GRIA1: variants seen among roughly 807,000 people sequenced by gnomAD.
The protein encoded by GRIA1 is glutamate receptor 1.
Under a neutral mutation model 99.2 loss-of-function variants are expected in GRIA1, and 31 were observed. The observed-to-expected ratio is 0.31, with a 90% CI of 0.23 to 0.42. The LOEUF (loss-of-function observed/expected upper bound fraction) is 0.42, where lower values mean the gene tolerates loss of function less well. GRIA1 is among the 10% of genes least tolerant of loss of function. GRIA1 has a pLI of 1.00. For synonymous variants in GRIA1, 438 were observed against 432.4 expected, an observed-to-expected ratio of 1.01 and a Z score of -0.16; for missense variants, 782 against 1,157.5, an observed-to-expected ratio of 0.68 and a Z score of 4.71.
chr5:153,575,780 C>T (rs1025090393), intron 2 of GRIA1, among the ~76,000 whole-genome samples: 1 of 152,182 alleles, frequency 6.6e-6, no homozygotes, highest in South Asian at 2.1e-4. Context: ...TTCTCTGGTT[C>T]TTTGCAGTGT....
chr5:153,735,853 A>G (rs986626255), intron 11 of GRIA1, among the ~76,000 whole-genome samples: 10 of 152,208 alleles, frequency 6.6e-5, no homozygotes, highest in Non-Finnish European at 1.3e-4. Context: ...TATTTTACTG[A>G]GATGGGGAAC....
At chr5:153,801,960 G>GA (rs1171880549) in intron 14 of GRIA1, among the ~76,000 whole-genome samples, 1 of 142,132 alleles carries the variant, frequency 7.0e-6, no homozygotes, top group African/African-American at 2.6e-5. Flanking sequence ...GGCGGGGGGG[G>GA]GCGGGGGGCA....
chr5:153,618,363 C>T (rs1271456708), intron 2 of GRIA1, among the ~76,000 whole-genome samples: 1 of 152,170 alleles, frequency 6.6e-6, no homozygotes, highest in Non-Finnish European at 1.5e-5. Context: ...AAAAAAATTG[C>T]ATCATTCTTG....
intron 11 of GRIA1, among the ~76,000 whole-genome samples, chr5:153,722,675 G>A (rs751311748): frequency 3.3e-5 from 5 of 152,132 alleles, no homozygotes; most frequent in African/African-American, 4.8e-5. Flanking sequence ...GTCTGTCTTT[G>A]CCAGGGTATT....
rs148449424 is a variant in GRIA1 at position 153,505,541 on chromosome 5, G to A, written c.220+11476G>A. On this transcript the variant is annotated intron_variant, in intron 2 of 15. Transcript: ENST00000285900. ...TGTCCCAGTCAACCCACAGCCCACA[G>A]ACTAAAGTTTGAAGCAGAGCTATCC... is the stretch of plus-strand genomic sequence containing the variant. 7.9e-4 allele frequency among the ~76,000 whole-genome samples: 120 copies of A among 152,332 alleles called. 1 individual carries two copies. In the South Asian group the frequency reaches 8.5e-3, roughly 11 times the overall value.
At chr5:153,659,482 T>A (rs546491679) in intron 5 of GRIA1, among the ~76,000 whole-genome samples, 1 of 152,262 alleles carries the variant, frequency 6.6e-6, no homozygotes, top group East Asian at 1.9e-4. Flanking sequence ...GTGCATTCAC[T>A]CCCTGCTCTG....
Position 153,600,130 on chromosome 5 carries a change from G to A in GRIA1, c.221-46798G>A, listed in dbSNP as rs573197402. ...GTCTGGACCCGGCGCGGTGGCTCAC[G>A]CTTGTAATCCCAGCACTTTCGGAGG... On this transcript the variant is annotated intron_variant, in intron 2 of 15. Transcript: ENST00000285900. 3.8e-4 allele frequency among the ~76,000 whole-genome samples: 58 copies of A among 152,212 alleles called. 1 individual carries two copies. The highest frequency in any genetic ancestry group is 6.2e-4 in the Non-Finnish European group (42 of 68,000).
chr5:153,511,892 A>C lies in GRIA1; in HGVS notation c.220+17827A>C, dbSNP rs113808322. The stretch of plus-strand genomic sequence containing the variant: ...ATTGGCTCAGGCTGGCCTTGCTGCC[A>C]TGCTTCTTTTCCTCGTTCCTGCGAA... On this transcript the variant is annotated intron_variant, in intron 2 of 15. Transcript: ENST00000285900. 6.6e-3 allele frequency among the ~76,000 whole-genome samples: 1,009 copies of C among 152,310 alleles called. 4 individuals are homozygous for C. Among genetic ancestry groups the C allele is most frequent in the Admixed American group, 0.012 (185 of 15,296 alleles).
intron 2 of GRIA1, among the ~76,000 whole-genome samples, chr5:153,608,911 A>G (rs1343044597): frequency 6.6e-6 from 1 of 152,182 alleles, no homozygotes; most frequent in Non-Finnish European, 1.5e-5. Context: ...TTGCTGCACT[A>G]GTACTCCATT....
At chr5:153,676,242 A>G (rs1756576448) in intron 6 of GRIA1, among the ~76,000 whole-genome samples, 1 of 152,224 alleles carries the variant, frequency 6.6e-6, no homozygotes, top group African/African-American at 2.4e-5. Flanking sequence ...TCAATTCTCT[A>G]TTGTGAACTT....
intron 5 of GRIA1, among the ~76,000 whole-genome samples, chr5:153,666,268 G>A (rs1755737644): frequency 6.6e-6 from 1 of 152,152 alleles, no homozygotes; most frequent in Non-Finnish European, 1.5e-5. Flanking sequence ...CGCTGTGGGG[G>A]CCAACGTCCC....
chr5:153,621,856 C>T (rs1767079133), intron 2 of GRIA1, among the ~76,000 whole-genome samples: 1 of 152,110 alleles, frequency 6.6e-6, no homozygotes, highest in African/African-American at 2.4e-5. Flanking sequence ...AATTTAGAAG[C>T]CTTGCTTTTT....
intron 5 of GRIA1, among the ~76,000 whole-genome samples, chr5:153,666,230 G>T (rs1755734515): frequency 6.6e-6 from 1 of 152,158 alleles, no homozygotes. Context: ...TATTGAGCAT[G>T]CACCCTGATC....
intron 14 of GRIA1, among the ~76,000 whole-genome samples, chr5:153,799,083 C>T (rs1160076758): frequency 9.7e-5 from 6 of 61,952 alleles, no homozygotes; most frequent in Non-Finnish European, 1.5e-4. Context: ...ACTTTTCCAC[C>T]CCCCCCTGAC....
chr5:153,578,148 C>CAAAAAA (rs60901793), intron 2 of GRIA1, among the ~76,000 whole-genome samples: 102 of 69,260 alleles, frequency 1.5e-3, no homozygotes, highest in Non-Finnish European at 1.7e-3. Flanking sequence ...GAGACTCTGT[C>CAAAAAA]AAAAAAAAAA....
chr5:153,752,500 G>A (rs1762568983), intron 11 of GRIA1, among the ~76,000 whole-genome samples: 1 of 152,176 alleles, frequency 6.6e-6, no homozygotes, highest in African/African-American at 2.4e-5. Context: ...TAAATATACT[G>A]TGAGCTAACA....
chr5:153,515,954 C>T (rs1490549555), intron 2 of GRIA1, among the ~76,000 whole-genome samples: 1 of 152,142 alleles, frequency 6.6e-6, no homozygotes, highest in African/African-American at 2.4e-5. Flanking sequence ...GGAGTGGTGG[C>T]TCACACCTGT....
chr5:153,617,673 G>T (rs1365965038), intron 2 of GRIA1, among the ~76,000 whole-genome samples: 2 of 152,156 alleles, frequency 1.3e-5, no homozygotes, highest in Non-Finnish European at 2.9e-5. Flanking sequence ...AGGCCCTACA[G>T]AACAAACCAA....
chr5:153,736,075 G>A (rs1056679983), intron 11 of GRIA1, among the ~76,000 whole-genome samples: 1 of 152,104 alleles, frequency 6.6e-6, no homozygotes, highest in East Asian at 1.9e-4. Flanking sequence ...AGATTACATG[G>A]GACTCTAGTG....
Sources: allele counts gnomAD v4.1 joint callset (sites outside exome capture counted in the v4.1 genomes callset), GRCh38; gene constraint gnomAD v4.1.1; transcripts MANE v1.5; gene names NCBI Gene and HGNC (gene_info 2026-07-23, HGNC 2026-07-21).